CD96: variants seen among roughly 807,000 people sequenced by gnomAD.
The protein encoded by CD96 is CD96 molecule.
Under a neutral mutation model 71.3 loss-of-function variants are expected in CD96, and 70 were observed. The observed-to-expected ratio is 0.98, with a 90% CI of 0.81 to 1.20. The LOEUF (loss-of-function observed/expected upper bound fraction) is 1.20. CD96 is among the 50% of genes most tolerant of loss of function. CD96 has a pLI of 0.00. For missense variants in CD96, 742 were observed against 677.5 expected (o/e 1.10, Z -1.06); for synonymous variants, 248 against 233.0 (o/e 1.06, Z -0.59).
chr3:111,606,952 C>T (rs776769944), intron 8 of CD96, 160 bp downstream of exon 8: 25 of 683,208 alleles, frequency 3.7e-5, no homozygotes, highest in Admixed American at 8.2e-5. Context: ...ATATAATTCA[C>T]GTCACATTAA....
chr3:111,624,312 GA>G lies in CD96; in HGVS notation c.1250-17del. The G allele has an allele frequency of 6.4e-7, 1 of 1,563,722 alleles. No homozygotes were observed. Among genetic ancestry groups the G allele is most frequent in the Non-Finnish European group, 8.8e-7 (1 of 1,134,320 alleles). Reference sequence around the variant, plus strand: ...CAGCTTTCGAAAAAAGCTGGATTCTGAAAATAATTTTGTCTTTCAGCCAGCA... The same window carrying G: ...CAGCTTTCGAAAAAAGCTGGATTCTGAAATAATTTTGTCTTTCAGCCAGCA... On this transcript the variant is annotated intron_variant, in intron 9 of 13. Coordinates refer to ENST00000352690, the MANE Select transcript of CD96 (RefSeq NM_005816.5).
chr3:111,663,028 C>T (rs560848603), intron 14 of CD96, among the ~76,000 whole-genome samples: 2 of 152,136 alleles, frequency 1.3e-5, no homozygotes, highest in South Asian at 4.1e-4. Flanking sequence ...AACTGACTCG[C>T]AATTCCACAG....
rs779603011 is a variant in CD96, at chr3:111,594,218, C to T, written c.808-3902C>T. On this transcript the variant is annotated intron_variant, in intron 5 of 13. Coordinates refer to ENST00000352690, the MANE Select transcript of CD96 (RefSeq NM_005816.5). ...CCTCATCATGTCACCTCTTCTACAG[C>T]GTTCTTTATGATGTGCTTAGATGTG... 76 of 1,569,180 alleles carry T rather than the reference C, an allele frequency of 4.8e-5. No homozygotes were observed. In the South Asian group the frequency reaches 7.8e-4, roughly 16 times the overall value.
intron 11 of CD96, 88 bp downstream of exon 11, chr3:111,637,349 C>T (rs949778704): frequency 2.5e-6 from 2 of 788,092 alleles, no homozygotes; most frequent in Non-Finnish European, 4.7e-6. Flanking sequence ...TGATAAGAAG[C>T]CAGCCTCAGA....
chr3:111,569,381 A>C (rs548391193), intron 3 of CD96, among the ~76,000 whole-genome samples: 7 of 152,330 alleles, frequency 4.6e-5, no homozygotes, highest in Admixed American at 1.3e-4. Flanking sequence ...TTTGCTTTCC[A>C]AAAAGTAAGT....
intron 5 of CD96, among the ~76,000 whole-genome samples, chr3:111,595,607 T>G (rs1937218801): frequency 1.3e-5 from 2 of 152,120 alleles, no homozygotes; most frequent in African/African-American, 4.8e-5. Context: ...TTAGTTCTCT[T>G]TTTTGATGAC....
intron 12 of CD96, among the ~76,000 whole-genome samples, chr3:111,640,774 A>G (rs1939553396): frequency 6.6e-6 from 1 of 152,226 alleles, no homozygotes; most frequent in Non-Finnish European, 1.5e-5. Context: ...AATCTATCAG[A>G]TTAACAACAG....
chr3:111,629,030 G>A (rs574493183), intron 10 of CD96, among the ~76,000 whole-genome samples: 7 of 152,090 alleles, frequency 4.6e-5, no homozygotes, highest in Non-Finnish European at 1.0e-4. Context: ...AAATGGAAAG[G>A]AAAGACCATT....
At chr3:111,609,715 A>G (rs941192295) in intron 8 of CD96, among the ~76,000 whole-genome samples, 1 of 152,218 alleles carries the variant, frequency 6.6e-6, no homozygotes, top group African/African-American at 2.4e-5. Flanking sequence ...GGGGGGAAAA[A>G]TGCCACCTGA....
At chr3:111,562,172 C>G (rs912548167) in intron 2 of CD96, among the ~76,000 whole-genome samples, 2 of 152,210 alleles carry the variant, frequency 1.3e-5, no homozygotes, top group African/African-American at 2.4e-5. Context: ...CGGTCTTCTG[C>G]GTCGCTCACG....
At chr3:111,562,400 C>G (rs976609305) in intron 2 of CD96, among the ~76,000 whole-genome samples, 1 of 152,050 alleles carries the variant, frequency 6.6e-6, no homozygotes, top group Non-Finnish European at 1.5e-5. Context: ...TATTTATAGA[C>G]AGACTATAGA....
intron 7 of CD96, among the ~76,000 whole-genome samples, chr3:111,602,424 T>C (rs780897325): frequency 1.3e-5 from 2 of 152,104 alleles, no homozygotes; most frequent in African/African-American, 2.4e-5. Flanking sequence ...TAGTATAATT[T>C]GGGGCTCTGA....
chr3:111,630,547 A>G (rs117735173), intron 10 of CD96, among the ~76,000 whole-genome samples: 2 of 152,344 alleles, frequency 1.3e-5, no homozygotes, highest in East Asian at 1.9e-4. Flanking sequence ...TCCCAGGATT[A>G]TATGGATTCA....
chr3:111,544,048 G>A (rs1934252658), intron 1 of CD96, among the ~76,000 whole-genome samples: 1 of 152,162 alleles, frequency 6.6e-6, no homozygotes, highest in Admixed American at 6.5e-5. Context: ...TCCTTGGCTG[G>A]AGTTTTACTG....
chr3:111,542,627 C>T (rs1559705360), intron 1 of CD96, among the ~76,000 whole-genome samples: 1 of 152,144 alleles, frequency 6.6e-6, no homozygotes, highest in African/African-American at 2.4e-5. Flanking sequence ...GAAATGCTCT[C>T]CAAATGGTAG....
At chr3:111,547,451 A>G (rs747666160) in intron 2 of CD96, among the ~76,000 whole-genome samples, 10 of 152,188 alleles carry the variant, frequency 6.6e-5, no homozygotes, top group East Asian at 1.9e-4. Context: ...CCAGTAAACA[A>G]TACTATTGCC....
At chr3:111,556,338 A>G (rs577098100) in intron 2 of CD96, among the ~76,000 whole-genome samples, 3 of 132,250 alleles carry the variant, frequency 2.3e-5, no homozygotes, top group South Asian at 2.9e-4. Flanking sequence ...ATATCTCCCA[A>G]TGCTATCCCT....
At chr3:111,661,302 G>A (rs1020093395) in intron 14 of CD96, among the ~76,000 whole-genome samples, 2 of 152,180 alleles carry the variant, frequency 1.3e-5, no homozygotes, top group African/African-American at 4.8e-5. Flanking sequence ...AATTCAACAT[G>A]AGATTTAGAT....
chr3:111,591,533 C>T (rs922818416), intron 5 of CD96, among the ~76,000 whole-genome samples: 1 of 152,072 alleles, frequency 6.6e-6, no homozygotes, highest in Non-Finnish European at 1.5e-5. Flanking sequence ...TTCCTAAGCC[C>T]CACTCCAAAA....
Sources: allele counts gnomAD v4.1 joint callset (sites outside exome capture counted in the v4.1 genomes callset), GRCh38; gene constraint gnomAD v4.1.1; transcripts MANE v1.5; gene names NCBI Gene and HGNC (gene_info 2026-07-23, HGNC 2026-07-21).